CDH18: variants seen among roughly 807,000 people sequenced by gnomAD.
CDH18 encodes the protein cadherin 18.
Under a neutral mutation model 67.9 loss-of-function variants are expected in CDH18, and 31 were observed. That is an observed-to-expected ratio of 0.46 (90% CI 0.34 to 0.62). The LOEUF is 0.62. Ranked by LOEUF, CDH18 falls within the 20% of genes least tolerant of loss-of-function variation. The pLI, the probability that CDH18 is intolerant of heterozygous loss-of-function variation, is 0.01. For synonymous variants in CDH18, 362 were observed against 347.2 expected (o/e 1.04, Z -0.48); for missense variants, 890 against 975.5 (o/e 0.91, Z 1.17).
At chr5:19,773,405 TTAGAAAGG>T (rs1412007714) in intron 3 of CDH18, among the ~76,000 whole-genome samples, 1 of 152,108 alleles carries the variant, frequency 6.6e-6, no homozygotes, top group Non-Finnish European at 1.5e-5. Context: ...AAATTGAACT[TTAGAAAGG>T]TAAAACAAAT....
chr5:20,277,895 T>C lies in CDH18; in HGVS notation c.-579-22390A>G, dbSNP rs535738828. ...CATACTGAAGAATGTGTCAGTCTCT[T>C]AGCAGCAGAACTGATCATGCAGAAG... On this transcript the variant is annotated intron_variant, in intron 1 of 14. Coordinates refer to the CDH18 transcript ENST00000507958. Among the ~76,000 whole-genome samples the C allele has an allele frequency of 6.6e-5, 10 of 152,310 alleles. No homozygotes were observed. The South Asian group carries it at 1.2e-3, about 19-fold the overall frequency.
At chr5:19,575,388 G>T (rs750365886) in intron 7 of CDH18, among the ~76,000 whole-genome samples, 1 of 152,154 alleles carries the variant, frequency 6.6e-6, no homozygotes, top group African/African-American at 2.4e-5. Context: ...TATAACATGG[G>T]TATGTATTCA....
chr5:20,512,064 A>C (rs1376009222), intron 1 of CDH18, among the ~76,000 whole-genome samples: 1 of 151,992 alleles, frequency 6.6e-6, no homozygotes, highest in Admixed American at 6.6e-5. Flanking sequence ...CTACTAAAAA[A>C]TACAAAAAAT....
At chr5:19,646,829 T>C (rs1754819269) in intron 5 of CDH18, among the ~76,000 whole-genome samples, 1 of 151,834 alleles carries the variant, frequency 6.6e-6, no homozygotes, top group African/African-American at 2.4e-5. Context: ...AACAAAGTAT[T>C]AAAAAATAAA....
At chr5:20,342,951 T>G (rs1740394541) in intron 1 of CDH18, among the ~76,000 whole-genome samples, 1 of 152,148 alleles carries the variant, frequency 6.6e-6, no homozygotes, top group Non-Finnish European at 1.5e-5. Flanking sequence ...GATATACCCT[T>G]CACCAATGCC....
chr5:19,865,651 A>G (rs1032147360), intron 2 of CDH18, among the ~76,000 whole-genome samples: 2 of 152,040 alleles, frequency 1.3e-5, no homozygotes, highest in Non-Finnish European at 2.9e-5. Context: ...GCTCATTAGC[A>G]TCTCTGGGCT....
chr5:20,531,504 A>T (rs1618074), intron 1 of CDH18, among the ~76,000 whole-genome samples: 63,885 of 151,956 alleles, frequency 0.42, 14,691 homozygotes, highest in East Asian at 0.56. Context: ...CCCATCAATG[A>T]TAGACTTGAT....
chr5:20,248,232 A>G (rs1300055422), intron 2 of CDH18, among the ~76,000 whole-genome samples: 2 of 151,576 alleles, frequency 1.3e-5, no homozygotes, highest in Non-Finnish European at 2.9e-5. Flanking sequence ...TCAGTGAGAC[A>G]TGTTTCAAAC....
chr5:19,626,748 T>G (rs1751614264), intron 5 of CDH18, among the ~76,000 whole-genome samples: 1 of 152,076 alleles, frequency 6.6e-6, no homozygotes, highest in Admixed American at 6.6e-5. Context: ...TATAGCAGAT[T>G]AGTTGTTGTT....
At chr5:19,856,933 T>C (rs1289881959) in intron 2 of CDH18, among the ~76,000 whole-genome samples, 1 of 152,034 alleles carries the variant, frequency 6.6e-6, no homozygotes, top group Non-Finnish European at 1.5e-5. Context: ...AATTAGAAAC[T>C]TGAGGCAGGT....
chr5:20,564,679 A>G (rs1042119070), intron 1 of CDH18, among the ~76,000 whole-genome samples: 1 of 152,150 alleles, frequency 6.6e-6, no homozygotes, highest in African/African-American at 2.4e-5. Context: ...GCATTTAAAA[A>G]CATTTTAGCA....
At chr5:20,490,362 T>C (rs1251237688) in intron 1 of CDH18, among the ~76,000 whole-genome samples, 1 of 152,054 alleles carries the variant, frequency 6.6e-6, no homozygotes, top group Non-Finnish European at 1.5e-5. Flanking sequence ...TTCTAGATAA[T>C]AGAATGAGAC....
intron 1 of CDH18, among the ~76,000 whole-genome samples, chr5:20,351,160 T>TG (rs1741139636): frequency 3.0e-5 from 4 of 132,092 alleles, no homozygotes; most frequent in Non-Finnish European, 4.8e-5. Context: ...GTAAATGTAT[T>TG]TGTGTGTGTG....
At chr5:19,570,713 G>A (rs1741239727) in intron 8 of CDH18, among the ~76,000 whole-genome samples, 1 of 150,494 alleles carries the variant, frequency 6.6e-6, no homozygotes, top group Non-Finnish European at 1.5e-5. Context: ...TATAAATGAG[G>A]GACACAAAAA....
chr5:19,752,124 T>C (rs965689246), intron 3 of CDH18, among the ~76,000 whole-genome samples: 1 of 152,006 alleles, frequency 6.6e-6, no homozygotes, highest in Non-Finnish European at 1.5e-5. Context: ...TGGAGCAGTG[T>C]GAATTTAGAA....
intron 2 of CDH18, among the ~76,000 whole-genome samples, chr5:20,205,374 T>C (rs1431594740): frequency 2.6e-5 from 4 of 151,936 alleles, no homozygotes; most frequent in African/African-American, 4.8e-5. Context: ...CCCAAGTATA[T>C]GCAACAAACA....
At chr5:20,250,212 T>G (rs139272296) in intron 2 of CDH18, among the ~76,000 whole-genome samples, 1 of 152,320 alleles carries the variant, frequency 6.6e-6, no homozygotes, top group Non-Finnish European at 1.5e-5. Flanking sequence ...TTCCACATTT[T>G]GTTTTGTTTT....
intron 12 of CDH18, among the ~76,000 whole-genome samples, chr5:19,480,409 C>A (rs1176535745): frequency 6.6e-6 from 1 of 151,218 alleles, no homozygotes; most frequent in East Asian, 1.9e-4. Flanking sequence ...TGGAGTCTCA[C>A]TCTGTCATCC....
intron 1 of CDH18, among the ~76,000 whole-genome samples, chr5:20,529,275 A>G (rs1455075819): frequency 2.0e-5 from 3 of 151,950 alleles, no homozygotes; most frequent in Non-Finnish European, 4.4e-5. Flanking sequence ...GGGGAAAAAA[A>G]AAAAGCCCAG....
Sources: allele counts gnomAD v4.1 joint callset (sites outside exome capture counted in the v4.1 genomes callset), GRCh38; gene constraint gnomAD v4.1.1; transcripts MANE v1.5; gene names NCBI Gene and HGNC (gene_info 2026-07-23, HGNC 2026-07-21).